FAM114A1: variants seen among roughly 807,000 people sequenced by gnomAD.
The protein encoded by FAM114A1 is family with sequence similarity 114 member A1.
Under a neutral mutation model 64.3 loss-of-function variants are expected in FAM114A1, and 62 were observed. The ratio of observed to expected loss-of-function variants is 0.96; its 90% CI spans 0.79 to 1.19. The LOEUF (loss-of-function observed/expected upper bound fraction) is 1.19, where lower values mean the gene tolerates loss of function less well. Ranked by LOEUF, FAM114A1 falls within the 50% of genes most tolerant of loss-of-function variation. FAM114A1 has a pLI of 0.00. For missense variants in FAM114A1, 645 were observed against 676.3 expected (o/e 0.95, Z 0.51); for synonymous variants, 254 against 251.1 (o/e 1.01, Z -0.11).
intron 10 of FAM114A1, 37 bp downstream of exon 10, chr4:38,929,370 A>AAG: frequency 6.7e-7 from 1 of 1,502,380 alleles, no homozygotes; most frequent in African/African-American, 1.4e-5. Context: ...TGGTTAAAAA[A>AAG]AAACAGTGCA....
chr4:38,924,706 G>A (rs1332965746), intron 9 of FAM114A1, among the ~76,000 whole-genome samples: 1 of 152,200 alleles, frequency 6.6e-6, no homozygotes, highest in African/African-American at 2.4e-5. Context: ...AGTCACAAAG[G>A]ATGACAGCCT....
chr4:38,873,182 A>C (rs1420823542), intron 2 of FAM114A1, among the ~76,000 whole-genome samples: 1 of 152,216 alleles, frequency 6.6e-6, no homozygotes, highest in African/African-American at 2.4e-5. Context: ...TACCAGCTCA[A>C]GGGAAGTCTG....
At chr4:38,929,868 C>G (rs994653996) in intron 10 of FAM114A1, among the ~76,000 whole-genome samples, 4 of 152,164 alleles carry the variant, frequency 2.6e-5, no homozygotes, top group Admixed American at 2.0e-4. Context: ...GTCATGAGAT[C>G]TGCATTTTAG....
intron 4 of FAM114A1, among the ~76,000 whole-genome samples, chr4:38,892,741 C>T (rs1560297870): frequency 6.6e-6 from 1 of 152,202 alleles, no homozygotes; most frequent in African/African-American, 2.4e-5. Context: ...CAGTCCATGG[C>T]CATGAGGACC....
chr4:38,881,711 T>C (rs1715291708), intron 3 of FAM114A1, among the ~76,000 whole-genome samples: 1 of 152,236 alleles, frequency 6.6e-6, no homozygotes, highest in Admixed American at 6.5e-5. Context: ...ATCCTTTTAT[T>C]AGAAGTCAAT....
intron 4 of FAM114A1, among the ~76,000 whole-genome samples, chr4:38,897,690 G>GT (rs1195415098): frequency 6.6e-6 from 1 of 151,964 alleles, no homozygotes; most frequent in Non-Finnish European, 1.5e-5. Context: ...AGAAAAGAGG[G>GT]TTTTTGGGGA....
At chr4:38,879,757 C>T (rs187232327) in intron 3 of FAM114A1, among the ~76,000 whole-genome samples, 2 of 152,242 alleles carry the variant, frequency 1.3e-5, no homozygotes, top group South Asian at 2.1e-4. Context: ...TTCAAGAGGT[C>T]GCTGACCCTT....
intron 9 of FAM114A1, among the ~76,000 whole-genome samples, chr4:38,926,679 C>T (rs777461465): frequency 3.3e-5 from 5 of 152,180 alleles, no homozygotes; most frequent in Non-Finnish European, 7.3e-5. Context: ...TGGTCTCCAT[C>T]TCCTGACCTC....
At chr4:38,897,103 T>G (rs1717013284) in intron 4 of FAM114A1, among the ~76,000 whole-genome samples, 1 of 152,140 alleles carries the variant, frequency 6.6e-6, no homozygotes, top group Admixed American at 6.5e-5. Context: ...AAAATGGTAA[T>G]CTCTTGGAAT....
chr4:38,867,993 ACCC>A (rs1713608441), intron 1 of FAM114A1, 159 bp downstream of exon 1: 1 of 392,002 alleles, frequency 2.6e-6, no homozygotes, highest in Non-Finnish European at 5.1e-6. Context: ...GTCAGGGAGG[ACCC>A]GGCTCTGGGG....
At chr4:38,940,253 T>C (rs1181431851) in intron 13 of FAM114A1, among the ~76,000 whole-genome samples, 1 of 152,150 alleles carries the variant, frequency 6.6e-6, no homozygotes, top group African/African-American at 2.4e-5. Context: ...TTATGTATAT[T>C]TGCATTTTTC....
chr4:38,915,202 A>G, intron 8 of FAM114A1, 129 bp downstream of exon 8: 1 of 1,146,286 alleles, frequency 8.7e-7, no homozygotes, highest in Non-Finnish European at 1.2e-6. Context: ...TGAGGTCAGA[A>G]ATACTGTACA....
rs547579507 is a variant in FAM114A1 at position 38,934,581 on chromosome 4, T to C, written c.1464-1137T>C. 1.5e-4 allele frequency among the ~76,000 whole-genome samples: 23 copies of C among 152,358 alleles called. 1 individual carries two copies. The South Asian group carries it at 4.8e-3, about 32-fold the overall frequency. ...CATTTTAATCACTATTCATGAGTGC[T>C]GTATGCACTAACTGATAGAAAAATA... On this transcript the variant is annotated intron_variant, in intron 12 of 14. Transcript: ENST00000358869.
At chr4:38,897,001 A>G (rs971872850) in intron 4 of FAM114A1, among the ~76,000 whole-genome samples, 2 of 152,342 alleles carry the variant, frequency 1.3e-5, no homozygotes, top group Admixed American at 6.5e-5. Flanking sequence ...AATGGAAACC[A>G]TTACCTCTAA....
chr4:38,940,856 C>T (rs1383570279), intron 13 of FAM114A1, 112 bp from the exon 14 acceptor site: 1 of 1,114,168 alleles, frequency 9.0e-7, no homozygotes, highest in South Asian at 1.3e-5. Context: ...TCTGCTTCCC[C>T]TCCTCTTCCT....
intron 4 of FAM114A1, among the ~76,000 whole-genome samples, chr4:38,904,118 C>G (rs1337853850): frequency 6.6e-6 from 1 of 152,146 alleles, no homozygotes; most frequent in Admixed American, 6.5e-5. Flanking sequence ...CGTTTTTCCT[C>G]ATATTACTGC....
intron 3 of FAM114A1, among the ~76,000 whole-genome samples, chr4:38,881,942 A>G (rs1715311456): frequency 6.6e-6 from 1 of 152,226 alleles, no homozygotes; most frequent in South Asian, 2.1e-4. Flanking sequence ...GTTCTGCAGG[A>G]AAATAGCCAA....
chr4:38,875,757 A>T (rs997263196), intron 2 of FAM114A1, among the ~76,000 whole-genome samples: 1 of 152,168 alleles, frequency 6.6e-6, no homozygotes, highest in African/African-American at 2.4e-5. Context: ...GAATGCTTCC[A>T]GTTTTTGCCC....
At chr4:38,924,246 C>G (rs1167676458) in intron 9 of FAM114A1, among the ~76,000 whole-genome samples, 1 of 152,144 alleles carries the variant, frequency 6.6e-6, no homozygotes, top group Non-Finnish European at 1.5e-5. Context: ...GCCTGGCACA[C>G]AGAACTGCTC....
Sources: allele counts gnomAD v4.1 joint callset (sites outside exome capture counted in the v4.1 genomes callset), GRCh38; gene constraint gnomAD v4.1.1; transcripts MANE v1.5; gene names NCBI Gene and HGNC (gene_info 2026-07-23, HGNC 2026-07-21).